Variants in CDK5RAP2 observed in about 807,000 individuals in gnomAD.
CDK5RAP2 encodes the protein CDK5 regulatory subunit-associated protein 2.
A neutral mutation model predicts 232.9 loss-of-function variants in CDK5RAP2; 147 were observed. That is an observed-to-expected ratio of 0.63 (90% CI 0.55 to 0.72). CDK5RAP2 has a LOEUF of 0.72. Among genes scored for constraint, CDK5RAP2 ranks in the 30% least tolerant of loss-of-function variants. CDK5RAP2 has a pLI of 0.00. For missense variants in CDK5RAP2, 2,195 were observed against 2,231.5 expected, an observed-to-expected ratio of 0.98 and a Z score of 0.33; for synonymous variants, 833 against 833.7, an observed-to-expected ratio of 1.00 and a Z score of 0.01.
At chr9:120,492,180 A>G (rs1374620045) in intron 12 of CDK5RAP2, among the ~76,000 whole-genome samples, 3 of 152,200 alleles carry the variant, frequency 2.0e-5, no homozygotes, top group African/African-American at 7.2e-5. Context: ...ATAATAGCAA[A>G]AGGCTGTGAA....
chr9:120,427,356 C>A (rs2034978088), intron 25 of CDK5RAP2, among the ~76,000 whole-genome samples: 1 of 152,178 alleles, frequency 6.6e-6, no homozygotes, highest in Admixed American at 6.5e-5. Context: ...GCCCATGGGC[C>A]ACGGATTGGA....
At chr9:120,444,821 C>G (rs1359807306) in intron 22 of CDK5RAP2, among the ~76,000 whole-genome samples, 2 of 152,198 alleles carry the variant, frequency 1.3e-5, no homozygotes, top group Non-Finnish European at 2.9e-5. Flanking sequence ...GTAGCCAAGT[C>G]ACTTTATCTC....
chr9:120,443,435 ACTTACCAGCTGGGTGACC>A (rs1325318904), intron 23 of CDK5RAP2, among the ~76,000 whole-genome samples, 167 bp downstream of exon 23: 2 of 152,266 alleles, frequency 1.3e-5, no homozygotes, highest in Admixed American at 1.3e-4. Context: ...CTCTTCTCCT[ACTTACCAGCTGGGTGACC>A]CTGGGTCAAT....
intron 7 of CDK5RAP2, among the ~76,000 whole-genome samples, chr9:120,534,316 C>T (rs989336673): frequency 2.6e-5 from 4 of 152,164 alleles, no homozygotes; most frequent in Non-Finnish European, 4.4e-5. Context: ...TGTTCCTTTA[C>T]TTTCCTTTCT....
At chr9:120,532,544 C>T (rs1564347771) in intron 7 of CDK5RAP2, 1 of 152,282 alleles carries the variant, frequency 6.6e-6, no homozygotes, top group African/African-American at 2.4e-5. Context: ...AGGACTCTGG[C>T]TCCAGTTTTC....
intron 7 of CDK5RAP2, among the ~76,000 whole-genome samples, chr9:120,536,118 G>T (rs2041374364): frequency 6.6e-6 from 1 of 152,180 alleles, no homozygotes; most frequent in Non-Finnish European, 1.5e-5. Context: ...TAGTATCTGA[G>T]TGGAACTTTT....
At chr9:120,555,482 A>T (rs2042195110) in intron 3 of CDK5RAP2, among the ~76,000 whole-genome samples, 2 of 152,116 alleles carry the variant, frequency 1.3e-5, no homozygotes, top group African/African-American at 2.4e-5. Flanking sequence ...TATCTGTTAA[A>T]TGAGAGGACT....
intron 3 of CDK5RAP2, among the ~76,000 whole-genome samples, chr9:120,554,614 A>G (rs2042157165): frequency 2.0e-5 from 3 of 152,096 alleles, no homozygotes; most frequent in Admixed American, 2.0e-4. Flanking sequence ...CGATTTCAAA[A>G]TGTGAAACTT....
At chr9:120,410,929 A>G (rs950204767) in intron 29 of CDK5RAP2, among the ~76,000 whole-genome samples, 1 of 152,282 alleles carries the variant, frequency 6.6e-6, no homozygotes, top group Non-Finnish European at 1.5e-5. Flanking sequence ...AGCGATCTTT[A>G]TAAGAAGTAC....
chr9:120,573,604 C>T lies in CDK5RAP2; in HGVS notation c.60-1563G>A, dbSNP rs775521653. Among the ~76,000 whole-genome samples the T allele has an allele frequency of 5.3e-5, 8 of 150,078 alleles. No homozygotes were observed. In the South Asian group the frequency reaches 6.4e-4, roughly 12 times the overall value. On this transcript the variant is annotated intron_variant, in intron 1 of 37. Transcript: ENST00000349780. ...TCCCCTGTAAAGGTAAATGAAAAAA[C>T]GTAAACAGAATATGTCCTCAATTAT... is the stretch of plus-strand genomic sequence containing the variant.
chr9:120,538,985 A>G, intron 6 of CDK5RAP2, 56 bp downstream of exon 6: 1 of 1,583,208 alleles, frequency 6.3e-7, no homozygotes, highest in Non-Finnish European at 8.7e-7. Flanking sequence ...AAACTGTGCC[A>G]GCCTATTATT....
chr9:120,453,420 A>C (rs776137467), intron 21 of CDK5RAP2, 36 bp downstream of exon 21: 150 of 1,567,874 alleles, frequency 9.6e-5, no homozygotes, highest in South Asian at 2.8e-4. Context: ...TTGTTTGGAT[A>C]AAGTAAGTAC....
At position 120,482,854 on chromosome 9, in the gene CDK5RAP2, T is replaced by C. The variant is rs1265764824; in HGVS notation, c.1626+4440A>G. Among the ~76,000 whole-genome samples, 5 of 152,216 alleles carry C rather than the reference T, an allele frequency of 3.3e-5. No homozygotes were observed. In the East Asian group the frequency reaches 9.6e-4, roughly 29 times the overall value. On this transcript the variant is annotated intron_variant, in intron 14 of 37. Coordinates refer to ENST00000349780, the MANE Select transcript of CDK5RAP2 (RefSeq NM_018249.6). Reference sequence around the variant, plus strand: ...AAAGTCTTCCTAGAAGCAAATTGCTTACCCATGTTAAATAAATGAACTCTT... The same window carrying C: ...AAAGTCTTCCTAGAAGCAAATTGCTCACCCATGTTAAATAAATGAACTCTT...
chr9:120,391,574 G>A (rs1388231298), intron 36 of CDK5RAP2, among the ~76,000 whole-genome samples: 3 of 152,202 alleles, frequency 2.0e-5, no homozygotes, highest in Admixed American at 6.5e-5. Flanking sequence ...CAGAACTACT[G>A]TCCTCGCTTT....
intron 35 of CDK5RAP2, among the ~76,000 whole-genome samples, chr9:120,400,226 T>G (rs929481234): frequency 6.6e-6 from 1 of 152,190 alleles, no homozygotes; most frequent in Admixed American, 6.5e-5. Flanking sequence ...GACTCCTGGT[T>G]TGGAGCCTGT....
chr9:120,490,163 T>G (rs1022324487), intron 13 of CDK5RAP2, among the ~76,000 whole-genome samples: 1 of 152,108 alleles, frequency 6.6e-6, no homozygotes, highest in African/African-American at 2.4e-5. Flanking sequence ...TCCACCTACT[T>G]TTAGGGGTTA....
intron 3 of CDK5RAP2, among the ~76,000 whole-genome samples, chr9:120,566,049 T>C (rs993830561): frequency 2.0e-5 from 3 of 152,188 alleles, no homozygotes; most frequent in Non-Finnish European, 4.4e-5. Context: ...TCCTGATGGT[T>C]AGGTATCAAT....
chr9:120,517,041 A>G, intron 12 of CDK5RAP2, among the ~76,000 whole-genome samples: 1 of 152,190 alleles, frequency 6.6e-6, no homozygotes, highest in Non-Finnish European at 1.5e-5. Flanking sequence ...ATAATTCAAC[A>G]TGATCGTTCT....
At position 120,455,635 on chromosome 9, in the gene CDK5RAP2, C is replaced by T. The variant is rs184135583; in HGVS notation, c.2376-1762G>A. On this transcript the variant is annotated intron_variant, in intron 20 of 37. Transcript: ENST00000349780. Reference sequence around the variant, plus strand: ...GCATGTGACTGTAGTCCCAGCTACTCGGGAGGCTGAGGTGGGAGGACGGCT... The same window carrying T: ...GCATGTGACTGTAGTCCCAGCTACTTGGGAGGCTGAGGTGGGAGGACGGCT... Among the ~76,000 whole-genome samples the T allele has an allele frequency of 2.3e-3, 349 of 151,754 alleles. 2 individuals are homozygous for T. Among genetic ancestry groups the T allele is most frequent in the African/African-American group, 5.9e-3 (244 of 41,342 alleles).
Sources: allele counts gnomAD v4.1 joint callset (sites outside exome capture counted in the v4.1 genomes callset), GRCh38; gene constraint gnomAD v4.1.1; transcripts MANE v1.5; gene names NCBI Gene and HGNC (gene_info 2026-07-23, HGNC 2026-07-21).